Variants in IKZF3 observed in about 807,000 individuals in gnomAD.
The protein encoded by IKZF3 is IKAROS family zinc finger 3.
A neutral mutation model predicts 49.0 loss-of-function variants in IKZF3; 10 were observed. The ratio of observed to expected loss-of-function variants is 0.20; its 90% CI spans 0.13 to 0.35. The LOEUF is 0.35. Among genes scored for constraint, IKZF3 ranks in the 10% least tolerant of loss-of-function variants. The pLI is 1.00. For missense variants in IKZF3, 498 were observed against 664.8 expected (o/e 0.75, Z 2.76); for synonymous variants, 209 against 228.2 (o/e 0.92, Z 0.76).
intron 7 of IKZF3, among the ~76,000 whole-genome samples, chr17:39,768,814 A>C (rs923568664): frequency 6.6e-6 from 1 of 152,202 alleles, no homozygotes; most frequent in African/African-American, 2.4e-5. Flanking sequence ...CACTAACATA[A>C]ACGGAAAACC....
intron 1 of IKZF3, among the ~76,000 whole-genome samples, chr17:39,859,286 C>T (rs1019211155): frequency 6.6e-6 from 1 of 151,264 alleles, no homozygotes; most frequent in African/African-American, 2.4e-5. Context: ...ACTTTTCAAA[C>T]AATCTATATA....
At chr17:39,768,816 C>T (rs377127409) in intron 7 of IKZF3, among the ~76,000 whole-genome samples, 4 of 152,026 alleles carry the variant, frequency 2.6e-5, no homozygotes, top group East Asian at 1.9e-4. Context: ...CTAACATAAA[C>T]GGAAAACCAG....
At chr17:39,863,995 A>AT in intron 1 of IKZF3, 125 bp downstream of exon 1, 1 of 1,258,556 alleles carries the variant, frequency 7.9e-7, no homozygotes, top group Non-Finnish European at 1.2e-6. Flanking sequence ...GAAATACCTC[A>AT]TATTTACTTT....
chr17:39,808,794 A>G (rs1270826409), intron 3 of IKZF3, among the ~76,000 whole-genome samples: 1 of 152,238 alleles, frequency 6.6e-6, no homozygotes, highest in Non-Finnish European at 1.5e-5. Context: ...AGCTGATGGT[A>G]AGTAAGGAAT....
chr17:39,808,758 C>T (rs771655546), intron 3 of IKZF3, among the ~76,000 whole-genome samples: 1 of 152,044 alleles, frequency 6.6e-6, no homozygotes, highest in Non-Finnish European at 1.5e-5. Flanking sequence ...ACTAGTACAA[C>T]CTGAAGGACT....
chr17:39,832,029 C>T (rs985738315), intron 2 of IKZF3, 69 bp downstream of exon 2: 45 of 1,149,580 alleles, frequency 3.9e-5, no homozygotes, highest in South Asian at 1.3e-5. Flanking sequence ...CCAGAATAAG[C>T]ACATTCCTCT....
intron 1 of IKZF3, among the ~76,000 whole-genome samples, chr17:39,844,536 A>G (rs1363632311): frequency 6.6e-6 from 1 of 152,108 alleles, no homozygotes; most frequent in Admixed American, 6.6e-5. Context: ...GTCATCTTCC[A>G]TTGTCATTTT....
In IKZF3 at chr17:39,850,347, CATATAATATATAGCATATTATATATGTAT is replaced by C. The variant is rs1568063005; in HGVS notation, c.7+13744_7+13772del. Reference sequence around the variant, plus strand: ...TAATATATAGCATATTATACATGTACATATAATATATAGCATATTATATATGTATATATAATATATAGCATATTGTATGT... The same window carrying C: ...TAATATATAGCATATTATACATGTACATATAATATATAGCATATTGTATGT... On this transcript the variant is annotated intron_variant, in intron 1 of 7. Transcript: ENST00000346872. 4.8e-5 allele frequency among the ~76,000 whole-genome samples: 6 copies of C among 123,956 alleles called. 1 individual carries two copies. Among genetic ancestry groups the C allele is most frequent in the African/African-American group, 1.4e-4 (4 of 27,596 alleles). The allele number at this position is 123,956 out of a possible 152,430, so 81.3% of individuals were successfully genotyped here.
intron 1 of IKZF3, among the ~76,000 whole-genome samples, chr17:39,854,061 G>A (rs1055701425): frequency 1.3e-5 from 2 of 152,198 alleles, no homozygotes; most frequent in African/African-American, 4.8e-5. Context: ...GGGAGGCGGA[G>A]GTTGCAGTGA....
intron 3 of IKZF3, among the ~76,000 whole-genome samples, chr17:39,798,752 G>C (rs2061240088): frequency 6.6e-6 from 1 of 152,078 alleles, no homozygotes; most frequent in African/African-American, 2.4e-5. Flanking sequence ...TGATCCGCCG[G>C]CCTCGGCCTC....
At chr17:39,801,967 C>T (rs938448762) in intron 3 of IKZF3, among the ~76,000 whole-genome samples, 3 of 152,072 alleles carry the variant, frequency 2.0e-5, no homozygotes, top group Non-Finnish European at 4.4e-5. Flanking sequence ...TGGTTCACGC[C>T]TGTAATCCCA....
chr17:39,813,892 G>A (rs530538311), intron 3 of IKZF3, among the ~76,000 whole-genome samples: 10 of 152,316 alleles, frequency 6.6e-5, no homozygotes, highest in South Asian at 2.1e-4. Flanking sequence ...ATATATTTGC[G>A]TGTACTAAGC....
At chr17:39,834,406 T>C (rs1311741641) in intron 1 of IKZF3, among the ~76,000 whole-genome samples, 3 of 152,242 alleles carry the variant, frequency 2.0e-5, no homozygotes, top group Non-Finnish European at 2.9e-5. Context: ...TAAGTTTTCC[T>C]GTAAGCATTG....
At position 39,759,607 on chromosome 17, in the gene IKZF3, A is replaced by T. The variant is rs1223489426; in HGVS notation, c.*6183T>A. On this transcript the variant is annotated 3_prime_UTR_variant, in exon 8 of 8. Transcript: ENST00000346872. ...CACAATTGTCCTTCAGGCTCTTCTG[A>T]GTCCATGGTCCTAAAGGGTCAGGAG... 6.6e-6 allele frequency: 1 copy of T among 152,250 alleles called. No individual in the cohort carries two copies. The highest frequency in any genetic ancestry group is 6.5e-5 in the Admixed American group (1 of 15,286). The allele number at this position is 152,250 out of a possible 1,614,324, so 9.4% of individuals were successfully genotyped here. A position where few individuals can be genotyped will look rare whatever the true frequency, so the allele number is the denominator to read the frequency against.
At chr17:39,803,900 T>C (rs984813593) in intron 3 of IKZF3, among the ~76,000 whole-genome samples, 5 of 152,154 alleles carry the variant, frequency 3.3e-5, no homozygotes, top group Non-Finnish European at 5.9e-5. Context: ...GTCATCCAAA[T>C]ACAATTGGCT....
Position 39,759,801 on chromosome 17 carries a change from G to A in IKZF3, c.*5989C>T, listed in dbSNP as rs1567939807. 1 of 152,148 alleles carries A rather than the reference G, an allele frequency of 6.6e-6. No individual in the cohort carries two copies. Among genetic ancestry groups the A allele is most frequent in the Non-Finnish European group, 1.5e-5 (1 of 68,028 alleles). The allele number at this position is 152,148 out of a possible 1,614,324, so 9.4% of individuals were successfully genotyped here. ...TCCTTGTCTGAACTCTGGATATAGA[G>A]GTTTTTTGAACTATACTTTCTGTGT... On this transcript the variant is annotated 3_prime_UTR_variant, in exon 8 of 8. Coordinates refer to ENST00000346872, the MANE Select transcript of IKZF3 (RefSeq NM_012481.5).
In IKZF3 at chr17:39,837,975, T is replaced by C. The variant is rs557066848; in HGVS notation, c.8-5824A>G. 5.3e-4 allele frequency among the ~76,000 whole-genome samples: 80 copies of C among 152,320 alleles called. No homozygotes were observed. In the South Asian group the frequency reaches 0.017, roughly 32 times the overall value. On this transcript the variant is annotated intron_variant, in intron 1 of 7. Coordinates refer to ENST00000346872, the MANE Select transcript of IKZF3 (RefSeq NM_012481.5). ...ATTGTTTCTGATGAGAAGTCAGTGA[T>C]ATCTTGTGTTGTTGTTTTCCTATAG...
rs2062007187 is a variant in IKZF3, at chr17:39,828,151, C to G, written c.163+1236G>C. Among the ~76,000 whole-genome samples the G allele has an allele frequency of 2.0e-5, 3 of 152,164 alleles. No homozygotes were observed. In the South Asian group the frequency reaches 6.2e-4, roughly 32 times the overall value. On this transcript the variant is annotated intron_variant, in intron 3 of 7. Transcript: ENST00000346872. ...CCAGAAACAGAGATGATTTCTAAAG[C>G]AAGAAAGTGTAACCGTAGCTTTAAA...
intron 7 of IKZF3, among the ~76,000 whole-genome samples, chr17:39,775,736 C>T (rs1056798053): frequency 2.0e-4 from 31 of 152,140 alleles, no homozygotes; most frequent in African/African-American, 5.3e-4. Flanking sequence ...ACCAGCCTGA[C>T]CAACATGGAG....
Sources: allele counts gnomAD v4.1 joint callset (sites outside exome capture counted in the v4.1 genomes callset), GRCh38; gene constraint gnomAD v4.1.1; transcripts MANE v1.5; gene names NCBI Gene and HGNC (gene_info 2026-07-23, HGNC 2026-07-21).